MTMR1: variants seen among roughly 807,000 people sequenced by gnomAD.
The protein encoded by MTMR1 is phosphatidylinositol-3-phosphate phosphatase MTMR1.
Under a neutral mutation model 51.6 loss-of-function variants are expected in MTMR1, and 17 were observed. The observed-to-expected ratio is 0.33, with a 90% confidence interval of 0.23 to 0.49. MTMR1 has a LOEUF of 0.49. MTMR1 is among the 20% of genes least tolerant of loss of function. The probability of loss-of-function intolerance (pLI) is 0.99; values close to 1 mark genes in which losing one functional copy is unlikely to be tolerated. For synonymous variants in MTMR1, 201 were observed against 205.6 expected (o/e 0.98, Z 0.19); for missense variants, 386 against 526.9 (o/e 0.73, Z 2.62).
chrX:150,738,682 C>T (rs2042344397), intron 12 of MTMR1, among the ~76,000 whole-genome samples: 1 of 111,328 alleles, frequency 9.0e-6, no homozygotes, highest in South Asian at 3.8e-4. Flanking sequence ...GCCAAATGTC[C>T]TCATCTCATA....
At chrX:150,759,965 C>G (rs782627980) in intron 15 of MTMR1, among the ~76,000 whole-genome samples, 2 of 109,626 alleles carry the variant, frequency 1.8e-5, no homozygotes, top group East Asian at 5.6e-4. Context: ...CTGGCAGTGA[C>G]TCACCGCCTG....
In MTMR1 at chrX:150,755,702, A is replaced by G. The variant is rs782769256; in HGVS notation, c.1694A>G (p.Lys565Arg). The G allele has an allele frequency of 8.5e-7, 1 of 1,181,960 alleles. No individual in the cohort carries two copies. Among genetic ancestry groups the G allele is most frequent in the South Asian group, 1.9e-5 (1 of 52,517 alleles). The change falls in exon 15 of 16, where the codon AAG (lysine) becomes AGG (arginine). Residue 565 changes from lysine (K) to arginine (R), a missense_variant. Coordinates refer to ENST00000445323, the MANE Select transcript of MTMR1 (RefSeq NM_001306144.3). ...TTTGTTTTTCAGGATGTATATACAA[A>G]GACGATATCTTTATGGTCGTATATC... is the stretch of plus-strand genomic sequence containing the variant. Reference protein sequence around the residue: ...QQRFKEDVYTKTISLWSYINS... With the variant: ...QQRFKEDVYTRTISLWSYINS...
intron 13 of MTMR1, among the ~76,000 whole-genome samples, chrX:150,745,110 T>C (rs1213825006): frequency 8.9e-6 from 1 of 112,394 alleles, no homozygotes; most frequent in Admixed American, 9.4e-5. Context: ...ACTGTTTTGT[T>C]GTCGTTGTTT....
At chrX:150,702,863 T>A (rs1429260557) in intron 2 of MTMR1, among the ~76,000 whole-genome samples, 1 of 112,279 alleles carries the variant, frequency 8.9e-6, no homozygotes, top group Non-Finnish European at 1.9e-5. Flanking sequence ...AGTAGATAGC[T>A]ATTATACTGA....
At chrX:150,720,493 A>G (rs2041710993) in intron 4 of MTMR1, among the ~76,000 whole-genome samples, 1 of 112,358 alleles carries the variant, frequency 8.9e-6, no homozygotes, top group Non-Finnish European at 1.9e-5. Context: ...GAATTCCATT[A>G]TATGGCTACA....
chrX:150,727,753 C>T lies in MTMR1; in HGVS notation c.517C>T (p.His173Tyr). 8.3e-7 allele frequency: 1 copy of T among 1,210,490 alleles called. No individual in the cohort carries two copies. The highest frequency in any genetic ancestry group is 1.1e-6 in the Non-Finnish European group (1 of 894,470). Residue 173 changes from histidine to tyrosine, a missense_variant, in exon 6 of 16, where the codon CAT becomes TAT. By Grantham distance (83) the His-to-Tyr change is moderately conservative (BLOSUM62 2). Coordinates refer to ENST00000445323, the MANE Select transcript of MTMR1 (RefSeq NM_001306144.3). ...SRVEKIGAQSHGDNSCGIEIV... is the reference protein window; with the variant it reads ...SRVEKIGAQSYGDNSCGIEIV... ...AGTGGAGAAGATTGGAGCACAGAGC[C>T]ATGGAGACAATTCCTGTGGTATAGA...
chrX:150,747,829 G>A (rs1240670961), intron 13 of MTMR1, among the ~76,000 whole-genome samples: 4 of 111,638 alleles, frequency 3.6e-5, no homozygotes, highest in Admixed American at 1.9e-4. Context: ...ACTGACTCTA[G>A]AACACACCTT....
chrX:150,698,937 AATAGTAAGCTTAACT>A (rs2040805480), intron 1 of MTMR1, among the ~76,000 whole-genome samples: 1 of 109,649 alleles, frequency 9.1e-6, no homozygotes, highest in South Asian at 3.8e-4. Flanking sequence ...AATGGTAGAG[AATAGTAAGCTTAACT>A]AACACCTAGA....
intron 1 of MTMR1, among the ~76,000 whole-genome samples, chrX:150,698,723 C>CAT (rs2040792585): frequency 9.3e-6 from 1 of 107,123 alleles, no homozygotes; most frequent in African/African-American, 3.4e-5. Context: ...CACACACACA[C>CAT]ACAAAAGCCG....
intron 3 of MTMR1, among the ~76,000 whole-genome samples, chrX:150,717,821 C>T (rs782565444): frequency 3.6e-5 from 4 of 112,548 alleles, no homozygotes; most frequent in Non-Finnish European, 7.5e-5. Flanking sequence ...TTCCTAGCAT[C>T]ATTGTAGCCA....
At chrX:150,756,674 C>T (rs529317579) in intron 15 of MTMR1, among the ~76,000 whole-genome samples, 121 of 112,022 alleles carry the variant, frequency 1.1e-3, no homozygotes, top group African/African-American at 3.3e-3. Flanking sequence ...TTTTTTGAGA[C>T]GGAGTCTTGC....
chrX:150,726,973 T>G (rs2041960103), intron 4 of MTMR1: 1 of 233,850 alleles, frequency 4.3e-6, no homozygotes, highest in African/African-American at 2.9e-5. Context: ...GAATATAACT[T>G]CTTATGAGGC....
At chrX:150,762,328 T>C (rs999334975) in intron 15 of MTMR1, among the ~76,000 whole-genome samples, 1 of 111,896 alleles carries the variant, frequency 8.9e-6, no homozygotes, top group Non-Finnish European at 1.9e-5. Context: ...TGGTGCCTTT[T>C]CATCCCGGCT....
intron 12 of MTMR1, among the ~76,000 whole-genome samples, chrX:150,737,992 G>A (rs1003127514): frequency 9.0e-6 from 1 of 111,538 alleles, no homozygotes; most frequent in South Asian, 3.8e-4. Flanking sequence ...GCTTGAACCT[G>A]GGAGGCAGAG....
intron 15 of MTMR1, among the ~76,000 whole-genome samples, chrX:150,761,396 G>A (rs782088746): frequency 9.7e-4 from 109 of 112,173 alleles, no homozygotes; most frequent in African/African-American, 3.1e-3. Flanking sequence ...TCCTCCTTCC[G>A]TCTCCCCCTT....
chrX:150,740,325 C>A (rs1308729076), intron 12 of MTMR1, among the ~76,000 whole-genome samples: 2 of 111,833 alleles, frequency 1.8e-5, no homozygotes, highest in Admixed American at 9.5e-5. Context: ...TTTTATTTGG[C>A]CTGAGCATTC....
At chrX:150,744,602 T>TA (rs1363982768) in intron 13 of MTMR1, 149 bp downstream of exon 13, 2 of 496,425 alleles carry the variant, frequency 4.0e-6, no homozygotes, top group Non-Finnish European at 6.5e-6. Context: ...CTTAGAAATA[T>TA]AAGCAGAACA....
In MTMR1 at chrX:150,758,051, T is replaced by G. The variant is rs185156349; in HGVS notation, c.1857+2186T>G. Reference sequence around the variant, plus strand: ...ATGGTGTTTGGCAACTAACGGAGACTCGACAGATGTGACTGAATGAACGCA... The same window carrying G: ...ATGGTGTTTGGCAACTAACGGAGACGCGACAGATGTGACTGAATGAACGCA... On this transcript the variant is annotated intron_variant, in intron 15 of 15. Coordinates refer to ENST00000445323, the MANE Select transcript of MTMR1 (RefSeq NM_001306144.3). Among the ~76,000 whole-genome samples the G allele has an allele frequency of 3.6e-5, 4 of 111,457 alleles. No individual in the cohort carries two copies. In the Admixed American group the frequency reaches 3.8e-4, roughly 11 times the overall value.
intron 1 of MTMR1, among the ~76,000 whole-genome samples, chrX:150,694,292 T>C (rs1244681206): frequency 8.9e-6 from 1 of 112,085 alleles, no homozygotes; most frequent in Non-Finnish European, 1.9e-5. Context: ...ACCAGTTTAT[T>C]GTTTTCATGA....
Sources: gnomAD v4.1 joint callset for allele counts (sites outside exome capture counted in the v4.1 genomes callset) on GRCh38, gnomAD v4.1.1 for gene constraint, MANE v1.5 for transcripts, NCBI Gene and HGNC (gene_info 2026-07-23, HGNC 2026-07-21) for gene names.